The following DOP1A variants were observed in gnomAD, a reference collection of about 807,000 sequenced individuals.
DOP1A encodes the protein protein DOP1A.
In DOP1A, 90 loss-of-function variants were observed where a neutral mutation model predicts 267.6. That is an observed-to-expected ratio of 0.34 (90% CI 0.28 to 0.40). The LOEUF is 0.40. Among genes scored for constraint, DOP1A ranks in the 10% least tolerant of loss-of-function variants. DOP1A has a pLI of 1.00. For synonymous variants in DOP1A, 932 were observed against 999.1 expected, an observed-to-expected ratio of 0.93 and a Z score of 1.27; for missense variants, 2,437 against 2,900.4, an observed-to-expected ratio of 0.84 and a Z score of 3.67.
chr6:83,073,738 G>T (rs553540578), intron 1 of DOP1A, among the ~76,000 whole-genome samples: 29 of 152,322 alleles, frequency 1.9e-4, no homozygotes, highest in Non-Finnish European at 2.9e-5. Context: ...TCTGATTGCA[G>T]TTGGAGAACT....
chr6:83,151,519 C>A (rs1925781), intron 27 of DOP1A, 74 bp from the exon 28 acceptor site: 12,443 of 1,182,474 alleles, frequency 0.011, 419 homozygotes, highest in African/African-American at 0.081. Context: ...CTTAACTCAT[C>A]GTGAGAAATT....
intron 38 of DOP1A, among the ~76,000 whole-genome samples, chr6:83,164,194 A>G (rs923688297): frequency 4.6e-5 from 7 of 150,662 alleles, no homozygotes; most frequent in African/African-American, 4.9e-5. Context: ...TTCCATAACT[A>G]TAAAAATGGA....
chr6:83,158,341 C>T (rs1467158828), intron 35 of DOP1A, among the ~76,000 whole-genome samples: 1 of 152,120 alleles, frequency 6.6e-6, no homozygotes, highest in African/African-American at 2.4e-5. Context: ...TCCATAATCA[C>T]TAAAAACAAA....
chr6:83,167,582 T>G, intron 38 of DOP1A: 1 of 1,114,544 alleles, frequency 9.0e-7, no homozygotes, highest in Non-Finnish European at 1.1e-6. Context: ...ACTTTTATGT[T>G]TGACTCTATT....
chr6:83,078,109 G>A (rs1287948149), intron 1 of DOP1A, among the ~76,000 whole-genome samples: 1 of 152,212 alleles, frequency 6.6e-6, no homozygotes, highest in Non-Finnish European at 1.5e-5. Context: ...AATAGCATGT[G>A]TAAAGGCACT....
At chr6:83,132,997 A>T (rs1429698142) in intron 18 of DOP1A, among the ~76,000 whole-genome samples, 1 of 152,132 alleles carries the variant, frequency 6.6e-6, no homozygotes, top group African/African-American at 2.4e-5. Context: ...TCCTATTTTT[A>T]AAAAACTCAA....
chr6:83,125,784 C>A (rs754267773), intron 15 of DOP1A, 51 bp downstream of exon 15: 3 of 1,446,406 alleles, frequency 2.1e-6, no homozygotes, highest in East Asian at 2.4e-5. Context: ...TTCTTCAAAG[C>A]AGAACAGTTA....
intron 21 of DOP1A, among the ~76,000 whole-genome samples, 199 bp downstream of exon 21, chr6:83,139,361 G>A (rs114898477): frequency 0.011 from 1,631 of 152,062 alleles, 39 homozygotes; most frequent in African/African-American, 0.036. Flanking sequence ...GAAAAGGGAA[G>A]GAATATTTAA....
downstream of DOP1A, chr6:83,168,680 T>C (rs1045115025): frequency 1.3e-4 from 127 of 994,818 alleles, no homozygotes; most frequent in Non-Finnish European, 1.5e-4. Flanking sequence ...TGCATGAGCA[T>C]CTCCACCTCA....
chr6:83,167,764 AT>A, intron 38 of DOP1A, 97 bp from the exon 39 acceptor site: 2 of 1,453,112 alleles, frequency 1.4e-6, no homozygotes, highest in South Asian at 3.0e-5. Flanking sequence ...ATTTGTATTC[AT>A]TTCTTGACCA....
Position 83,105,356 on chromosome 6 carries a change from C to CTTTTT in DOP1A, c.321-3530_321-3526dup, listed in dbSNP as rs70987733. 7.1e-3 allele frequency among the ~76,000 whole-genome samples: 470 copies of CTTTTT among 65,952 alleles called. 18 individuals carry two copies. The highest frequency in any genetic ancestry group is 9.5e-3 in the Non-Finnish European group (339 of 35,546). 43.3% of individuals were successfully genotyped at this position (65,952 alleles called of 152,430 possible). A position where few individuals can be genotyped will look rare whatever the true frequency, so the allele number is the denominator to read the frequency against. ...AAGAGAAATGAACATGGATGTCTTTCTTTTTTTTTTTTTTTTTTTTTTTTT... is the reference window on the plus strand; with the variant it reads ...AAGAGAAATGAACATGGATGTCTTTCTTTTTTTTTTTTTTTTTTTTTTTTTTTTTT... On this transcript the variant is annotated intron_variant, in intron 4 of 38. Coordinates refer to ENST00000349129, the MANE Select transcript of DOP1A (RefSeq NM_015018.4).
chr6:83,096,504 A>T (rs1771537558), intron 1 of DOP1A, among the ~76,000 whole-genome samples: 1 of 150,760 alleles, frequency 6.6e-6, no homozygotes, highest in Admixed American at 6.7e-5. Flanking sequence ...ATGATCTCCG[A>T]ATCATTTATT....
chr6:83,077,576 T>G (rs1767319448), intron 1 of DOP1A, among the ~76,000 whole-genome samples: 1 of 151,470 alleles, frequency 6.6e-6, no homozygotes. Flanking sequence ...CTCAGGAGGC[T>G]AAGGCAAGAG....
chr6:83,139,496 C>T (rs1779290488), intron 21 of DOP1A, among the ~76,000 whole-genome samples: 2 of 152,104 alleles, frequency 1.3e-5, no homozygotes, highest in Admixed American at 1.3e-4. Flanking sequence ...TATCTAAGTG[C>T]AAATCAATTT....
Position 83,159,960 on chromosome 6 carries a change from T to G in DOP1A, c.6962T>G (p.Met2321Arg). ...TCTGAAAACCTTCCTCAGTTTCAGA[T>G]GTAAGTAAAAGCAAGGATATTAAAT... is the stretch of plus-strand genomic sequence containing the variant. ...LPSENLPQFQ[M>R]YRWAFIPEAS... is the part of the protein sequence containing the mutation. Residue 2321 changes from methionine to arginine, a missense_variant and splice_region_variant, in exon 37 of 39, where the codon ATG (methionine) becomes AGG (arginine). By Grantham distance (91) the Met-to-Arg change is moderately conservative. Transcript: ENST00000349129. 6.2e-7 allele frequency: 1 copy of G among 1,613,932 alleles called. No homozygotes were observed. Among genetic ancestry groups the G allele is most frequent in the African/African-American group, 1.3e-5 (1 of 75,038 alleles).
In DOP1A at chr6:83,132,335, C is replaced by A; in HGVS notation, c.2769+7C>A. The A allele has an allele frequency of 6.3e-7, 1 of 1,579,108 alleles. No homozygotes were observed. Among genetic ancestry groups the A allele is most frequent in the Non-Finnish European group, 8.6e-7 (1 of 1,165,690 alleles). ...GTTAACCCATAAAGATAAGGTAAAT[C>A]CTCTTATCTTGTGCACACCGCCCCC... is the stretch of plus-strand genomic sequence containing the variant. On this transcript the variant is annotated splice_region_variant and intron_variant, in intron 18 of 38. Coordinates refer to ENST00000349129, the MANE Select transcript of DOP1A (RefSeq NM_015018.4).
At position 83,128,273 on chromosome 6, in the gene DOP1A, G is replaced by C. The variant is rs142771294; in HGVS notation, c.1720-614G>C. Among the ~76,000 whole-genome samples, 5 of 152,174 alleles carry C rather than the reference G, an allele frequency of 3.3e-5. No individual in the cohort carries two copies. In the East Asian group the frequency reaches 9.7e-4, roughly 29 times the overall value. On this transcript the variant is annotated intron_variant, in intron 15 of 38. Transcript: ENST00000349129. ...TCTATCCTATTGTAGGGAGTAAAAGGCTAATATACTCCAGTTCTACTCCAG... is the reference window on the plus strand; with the variant it reads ...TCTATCCTATTGTAGGGAGTAAAAGCCTAATATACTCCAGTTCTACTCCAG...
Position 83,138,117 on chromosome 6 carries a change from A to G in DOP1A, c.4075A>G (p.Asn1359Asp). The change falls in exon 21 of 39, where the codon AAT (asparagine) becomes GAT (aspartate). Residue 1359 changes from asparagine to aspartate, a missense_variant. Physicochemically the swap from Asn to Asp is conservative, Grantham distance 23. Transcript: ENST00000349129. ...MGSPGSRKSP[N>D]FNIHPLYQHV... ...TTCTCCAGGATCTCGAAAATCTCCC[A>G]ATTTCAACATTCATCCTCTCTATCA... 1 of 1,613,902 alleles carries G rather than the reference A, an allele frequency of 6.2e-7. No homozygotes were observed. Among genetic ancestry groups the G allele is most frequent in the Non-Finnish European group, 8.5e-7 (1 of 1,179,884 alleles).
rs1434793048 is a variant in DOP1A at position 83,096,647 on chromosome 6, CATG to C, written c.-146-81_-146-79del. 1.2e-5 allele frequency: 5 copies of C among 407,666 alleles called. No individual in the cohort carries two copies. In the East Asian group the frequency reaches 1.4e-4, roughly 11 times the overall value. The allele number at this position is 407,666 out of a possible 1,614,324, so 25.3% of individuals were successfully genotyped here. A position where few individuals can be genotyped will look rare whatever the true frequency, so the allele number is the denominator to read the frequency against. ...ATAAACAAATATGACAGAGAAATAA[CATG>C]ATTCTAAATTGAAATAAGTATAAGA... On this transcript the variant is annotated intron_variant, in intron 1 of 38. Coordinates refer to ENST00000349129, the MANE Select transcript of DOP1A (RefSeq NM_015018.4).
Sources: gnomAD v4.1 joint callset for allele counts (sites outside exome capture counted in the v4.1 genomes callset) on GRCh38, gnomAD v4.1.1 for gene constraint, MANE v1.5 for transcripts, NCBI Gene and HGNC (gene_info 2026-07-23, HGNC 2026-07-21) for gene names.